Variants in TENM2 observed in about 807,000 individuals in gnomAD.
TENM2 encodes teneurin transmembrane protein 2, also known as teneurin-2.
TENM2 carries 52 observed loss-of-function variants against 245.2 expected under a neutral mutation model. That is an observed-to-expected ratio of 0.21 (90% CI 0.17 to 0.27). The LOEUF (loss-of-function observed/expected upper bound fraction) is 0.27, where lower values mean the gene tolerates loss of function less well. Among genes scored for constraint, TENM2 ranks in the 10% least tolerant of loss-of-function variants. TENM2 has a pLI of 1.00. For synonymous variants in TENM2, 1,363 were observed against 1,438.9 expected, an observed-to-expected ratio of 0.95 and a Z score of 1.19; for missense variants, 3,046 against 3,666.8, an observed-to-expected ratio of 0.83 and a Z score of 4.37.
chr5:167,408,501 G>T (rs1351102257), intron 2 of TENM2, among the ~76,000 whole-genome samples: 1 of 151,912 alleles, frequency 6.6e-6, no homozygotes, highest in East Asian at 1.9e-4. Flanking sequence ...TTTTATTCTT[G>T]ACATGTTACT....
intron 2 of TENM2, among the ~76,000 whole-genome samples, chr5:167,839,627 C>T (rs901404707): frequency 6.6e-6 from 1 of 151,934 alleles, no homozygotes; most frequent in African/African-American, 2.4e-5. Context: ...GAATGTAATG[C>T]CCTGTCTTCC....
At chr5:167,501,136 T>C (rs926521480) in intron 2 of TENM2, among the ~76,000 whole-genome samples, 1 of 152,188 alleles carries the variant, frequency 6.6e-6, no homozygotes, top group Admixed American at 6.5e-5. Context: ...TTTCTTCCAT[T>C]CGCAGATGCC....
intron 2 of TENM2, among the ~76,000 whole-genome samples, chr5:167,714,219 A>C (rs1485468244): frequency 6.6e-6 from 1 of 152,160 alleles, no homozygotes; most frequent in African/African-American, 2.4e-5. Flanking sequence ...TTTGTTGTGA[A>C]GGGATCTTGA....
intron 7 of TENM2, among the ~76,000 whole-genome samples, chr5:168,086,748 C>T (rs1390934474): frequency 6.6e-6 from 1 of 152,186 alleles, no homozygotes; most frequent in African/African-American, 2.4e-5. Flanking sequence ...CCCCATGTCC[C>T]GAATTGATCA....
rs546603477 is a variant in TENM2 at position 167,896,434 on chromosome 5, G to A, written c.712+20239G>A. 2.4e-4 allele frequency among the ~76,000 whole-genome samples: 36 copies of A among 152,350 alleles called. 1 individual carries two copies. Among genetic ancestry groups the A allele is most frequent in the African/African-American group, 8.4e-4 (35 of 41,596 alleles). Reference sequence around the variant, plus strand: ...TTCCGTGGATTATACACAAAAGTCAGAGCAATGTTTAAGAGAACTCATGGT... The same window carrying A: ...TTCCGTGGATTATACACAAAAGTCAAAGCAATGTTTAAGAGAACTCATGGT... On this transcript the variant is annotated intron_variant, in intron 3 of 28. Coordinates refer to ENST00000518659, the Ensembl canonical transcript of TENM2.
chr5:167,716,889 T>A (rs1157098759), intron 2 of TENM2, among the ~76,000 whole-genome samples: 3 of 46,920 alleles, frequency 6.4e-5, no homozygotes, highest in Non-Finnish European at 1.2e-4. Context: ...TTTTTATATT[T>A]TATTTTATTT....
intron 2 of TENM2, among the ~76,000 whole-genome samples, chr5:167,554,066 A>G (rs1773116046): frequency 6.6e-6 from 1 of 152,206 alleles, no homozygotes; most frequent in African/African-American, 2.4e-5. Flanking sequence ...ATCATTCTAT[A>G]GGCTTTCCCC....
chr5:168,194,300 A>C (rs767970960), intron 14 of TENM2, among the ~76,000 whole-genome samples: 1 of 152,172 alleles, frequency 6.6e-6, no homozygotes, highest in Non-Finnish European at 1.5e-5. Context: ...GGAGGCATGC[A>C]CATTCTCCCT....
chr5:168,229,869 A>C (rs1446911409), intron 25 of TENM2: 1 of 152,242 alleles, frequency 6.6e-6, no homozygotes, highest in Non-Finnish European at 1.5e-5. Flanking sequence ...TCCTAAAGAC[A>C]AAAATGGAAT....
At chr5:168,072,855 G>A (rs1343130244) in intron 7 of TENM2, among the ~76,000 whole-genome samples, 2 of 152,104 alleles carry the variant, frequency 1.3e-5, no homozygotes, top group Non-Finnish European at 2.9e-5. Flanking sequence ...GCAACAAGGC[G>A]GCTCTGCAGG....
Position 167,612,193 on chromosome 5 carries a change from C to G in TENM2, c.502+236720C>G, listed in dbSNP as rs139190179. On this transcript the variant is annotated intron_variant, in intron 2 of 28. Transcript: ENST00000518659. ...TTTGCCCACCACAACCCCCAGCTCA[C>G]AACAGCACAATGTGTCCTAAATAGA... Among the ~76,000 whole-genome samples the G allele has an allele frequency of 7.6e-4, 116 of 152,230 alleles. 1 individual carries two copies. Among genetic ancestry groups the G allele is most frequent in the African/African-American group, 2.7e-3 (113 of 41,562 alleles).
intron 2 of TENM2, among the ~76,000 whole-genome samples, chr5:167,397,774 A>G (rs888948050): frequency 4.6e-5 from 7 of 152,200 alleles, no homozygotes; most frequent in African/African-American, 1.4e-4. Context: ...TTGATCTCAT[A>G]TATCTTTGTT....
chr5:167,036,124 T>C, the TENM2 span, among the ~76,000 whole-genome samples: 1 of 152,144 alleles, frequency 6.6e-6, no homozygotes, highest in Non-Finnish European at 1.5e-5. Context: ...AAGATCAGTT[T>C]TGGGTATGAT....
chr5:167,321,782 C>CTTA (rs1469723442), intron 1 of TENM2, among the ~76,000 whole-genome samples: 2 of 59,736 alleles, frequency 3.3e-5, no homozygotes, highest in African/African-American at 6.5e-5. Context: ...GCTGCCTTGG[C>CTTA]TTATTTTTTT....
chr5:168,141,443 T>G (rs569741737), intron 12 of TENM2, among the ~76,000 whole-genome samples: 1 of 152,366 alleles, frequency 6.6e-6, no homozygotes, highest in South Asian at 2.1e-4. Flanking sequence ...GCATTGGAAC[T>G]ACAAAGGCTG....
chr5:167,867,999 T>C (rs1772474121), intron 2 of TENM2, among the ~76,000 whole-genome samples: 1 of 152,232 alleles, frequency 6.6e-6, no homozygotes, highest in South Asian at 2.1e-4. Context: ...TTACTTCTAA[T>C]ATCTGCCCAA....
chr5:167,412,101 A>T (rs1762940629), intron 2 of TENM2, among the ~76,000 whole-genome samples: 1 of 152,126 alleles, frequency 6.6e-6, no homozygotes, highest in Admixed American at 6.6e-5. Flanking sequence ...CTCTATCAAA[A>T]GTTTGCTTAA....
At chr5:167,786,412 T>C (rs1488101782) in intron 2 of TENM2, among the ~76,000 whole-genome samples, 2 of 152,240 alleles carry the variant, frequency 1.3e-5, no homozygotes, top group East Asian at 3.8e-4. Context: ...AGACCCTCCA[T>C]TGTAATGACA....
At chr5:167,494,273 A>C (rs1044421040) in intron 2 of TENM2, among the ~76,000 whole-genome samples, 3 of 152,256 alleles carry the variant, frequency 2.0e-5, no homozygotes, top group Admixed American at 2.0e-4. Flanking sequence ...TTCTTGCAGA[A>C]GATATAACAA....
Sources: allele counts gnomAD v4.1 joint callset (sites outside exome capture counted in the v4.1 genomes callset), GRCh38; gene constraint gnomAD v4.1.1; transcripts MANE v1.5; gene names NCBI Gene and HGNC (gene_info 2026-07-23, HGNC 2026-07-21).